RCBTB2: variants seen among roughly 807,000 people sequenced by gnomAD.
RCBTB2 encodes RCC1 and BTB domain-containing protein 2.
A neutral mutation model predicts 65.4 loss-of-function variants in RCBTB2; 55 were observed. That is an observed-to-expected ratio of 0.84 (90% confidence interval 0.68 to 1.05). RCBTB2 has a LOEUF of 1.05. Among genes scored for constraint, RCBTB2 ranks in the 50% least tolerant of loss-of-function variants. The pLI, the probability that RCBTB2 is intolerant of heterozygous loss-of-function variation, is 0.00. For missense variants in RCBTB2, 599 were observed against 680.1 expected, an observed-to-expected ratio of 0.88 and a Z score of 1.33; for synonymous variants, 220 against 255.2, an observed-to-expected ratio of 0.86 and a Z score of 1.31.
chr13:48,523,731 C>T (rs1951552111), intron 2 of RCBTB2, among the ~76,000 whole-genome samples: 1 of 152,156 alleles, frequency 6.6e-6, no homozygotes, highest in South Asian at 2.1e-4. Flanking sequence ...CCCTTTCGTT[C>T]CTAGCAGAAG....
At chr13:48,496,077 T>TA in intron 14 of RCBTB2, 114 bp downstream of exon 14, 1 of 1,040,602 alleles carries the variant, frequency 9.6e-7, no homozygotes, top group Middle Eastern at 3.5e-4. Flanking sequence ...CTTCATTTTT[T>TA]AAAAAATATT....
chr13:48,527,350 A>ATATG (rs1951828889), intron 1 of RCBTB2, among the ~76,000 whole-genome samples: 2 of 120,482 alleles, frequency 1.7e-5, no homozygotes, highest in African/African-American at 1.2e-4. Context: ...ATATATATAT[A>ATATG]TGATATATAT....
chr13:48,515,228 G>A lies in RCBTB2; in HGVS notation c.326C>T (p.Pro109Leu). 1 of 1,613,906 alleles carries A rather than the reference G, an allele frequency of 6.2e-7. No homozygotes were observed. Among genetic ancestry groups the A allele is most frequent in the African/African-American group, 1.3e-5 (1 of 74,980 alleles). Reference sequence around the variant, plus strand: ...ACCTGTTGTTGCAAGGACAATATGTGGACCACTCCCATAGCTGAGGCAGGC... The same window carrying A: ...ACCTGTTGTTGCAAGGACAATATGTAGACCACTCCCATAGCTGAGGCAGGC... ...KIACLSYGSG[P>L]HIVLATTEGE... Residue 109 changes from proline to leucine, a missense_variant, in exon 6 of 15, where the codon CCA becomes CTA. Coordinates refer to ENST00000344532, the MANE Select transcript of RCBTB2 (RefSeq NM_001268.4).
chr13:48,533,104 A>G (rs1371041878), upstream of RCBTB2: 2 of 442,946 alleles, frequency 4.5e-6, no homozygotes, highest in Non-Finnish European at 9.1e-6. Flanking sequence ...CGGCGCCGCG[A>G]TGAGTTGGCG....
At chr13:48,526,908 T>A (rs1489441078) in intron 1 of RCBTB2, among the ~76,000 whole-genome samples, 3 of 152,026 alleles carry the variant, frequency 2.0e-5, no homozygotes, top group African/African-American at 7.2e-5. Context: ...AGAGTGAGAC[T>A]CCATCTCAAA....
At chr13:48,496,349 G>A (rs1318241400) in intron 13 of RCBTB2, 28 bp from the exon 14 acceptor site, 5 of 1,508,918 alleles carry the variant, frequency 3.3e-6, no homozygotes, top group Non-Finnish European at 4.4e-6. Flanking sequence ...TTATTAGGGG[G>A]AGTGATTTCA....
chr13:48,528,808 T>C (rs548442781), intron 1 of RCBTB2, among the ~76,000 whole-genome samples: 20 of 152,116 alleles, frequency 1.3e-4, no homozygotes, highest in Admixed American at 3.9e-4. Context: ...AATACCTACA[T>C]GGCTAATTAA....
chr13:48,500,289 G>A (rs1950174418), intron 12 of RCBTB2, among the ~76,000 whole-genome samples: 1 of 152,226 alleles, frequency 6.6e-6, no homozygotes, highest in Admixed American at 6.5e-5. Context: ...ACAGGGCGCG[G>A]TGGCTCACGC....
At chr13:48,499,129 C>CACACACACACAG (rs1721462403) in intron 13 of RCBTB2, among the ~76,000 whole-genome samples, 2 of 147,902 alleles carry the variant, frequency 1.4e-5, no homozygotes, top group African/African-American at 5.2e-5. Flanking sequence ...CACACACACA[C>CACACACACACAG]ACACACACAC....
At chr13:48,525,878 T>C (rs537921084) in intron 1 of RCBTB2, among the ~76,000 whole-genome samples, 5 of 152,276 alleles carry the variant, frequency 3.3e-5, no homozygotes, top group African/African-American at 4.8e-5. Flanking sequence ...TTTTAAAACA[T>C]GCAGAAGACA....
chr13:48,533,278 C>T (rs956096613), upstream of RCBTB2: 19 of 306,232 alleles, frequency 6.2e-5, no homozygotes, highest in Non-Finnish European at 9.7e-5. Flanking sequence ...CGCAGACGCC[C>T]CCTCCCCTCG....
At chr13:48,534,004 T>C (rs1220069538), upstream of RCBTB2, among the ~76,000 whole-genome samples, 1 of 152,202 alleles carries the variant, frequency 6.6e-6, no homozygotes, top group Non-Finnish European at 1.5e-5. Flanking sequence ...TCGTCTGGCT[T>C]TTGTCATTTC....
At chr13:48,518,933 G>C (rs1476034208) in intron 4 of RCBTB2, among the ~76,000 whole-genome samples, 1 of 152,118 alleles carries the variant, frequency 6.6e-6, no homozygotes, top group Non-Finnish European at 1.5e-5. Context: ...AAAAGAACAA[G>C]GTTTAGGAAG....
intron 5 of RCBTB2, 102 bp downstream of exon 5, chr13:48,515,484 C>CT (rs3215827): frequency 1.3e-3 from 1,694 of 1,257,932 alleles, no homozygotes; most frequent in Non-Finnish European, 1.6e-3. Flanking sequence ...AATTTCCATG[C>CT]TTTTTTTTTT....
Position 48,490,139 on chromosome 13 carries a change from G to T in RCBTB2, c.1628C>A (p.Ala543Glu). 6.2e-7 allele frequency: 1 copy of T among 1,614,088 alleles called. No homozygotes were observed. The highest frequency in any genetic ancestry group is 8.5e-7 in the Non-Finnish European group (1 of 1,179,982). ...ATTTTTAAAGGCTCCAACTCTGCTT[G>T]CTTTGCTGATAAAGTTCTTCAGGAG... The part of the protein sequence containing the change: ...HDLLKNFISK[A>E]SRVGAFKN The change falls in exon 15 of 15, where the codon GCA becomes GAA. Residue 543 changes from alanine (A) to glutamate (E), a missense_variant. Coordinates refer to ENST00000344532, the MANE Select transcript of RCBTB2 (RefSeq NM_001268.4).
At chr13:48,529,740 C>A (rs1952001298) in intron 1 of RCBTB2, among the ~76,000 whole-genome samples, 1 of 152,182 alleles carries the variant, frequency 6.6e-6, no homozygotes, top group South Asian at 2.1e-4. Flanking sequence ...ATATCCCTTA[C>A]CAGGAGGCAA....
intron 10 of RCBTB2, chr13:48,504,283 C>G (rs1020358434): frequency 1.0e-6 from 1 of 985,380 alleles, no homozygotes; most frequent in African/African-American, 1.7e-5. Flanking sequence ...AACTTTCACA[C>G]GGGCAGTGGC....
At chr13:48,493,853 C>T (rs1170486360) in intron 14 of RCBTB2, among the ~76,000 whole-genome samples, 1 of 152,086 alleles carries the variant, frequency 6.6e-6, no homozygotes, top group Admixed American at 6.6e-5. Context: ...CCAGAAATTC[C>T]CATGAGAGCA....
At chr13:48,492,832 A>G (rs1295539822) in intron 14 of RCBTB2, among the ~76,000 whole-genome samples, 1 of 152,168 alleles carries the variant, frequency 6.6e-6, no homozygotes, top group African/African-American at 2.4e-5. Context: ...AACCTGTCTC[A>G]CGTCACTGCC....
Sources: gnomAD v4.1 joint callset for allele counts (sites outside exome capture counted in the v4.1 genomes callset) on GRCh38, gnomAD v4.1.1 for gene constraint, MANE v1.5 for transcripts, NCBI Gene and HGNC (gene_info 2026-07-23, HGNC 2026-07-21) for gene names.